RARB: variants seen among roughly 807,000 people sequenced by gnomAD.
The protein encoded by RARB is retinoic acid receptor beta.
RARB carries 17 observed loss-of-function variants against 51.9 expected under a neutral mutation model. The ratio of observed to expected loss-of-function variants is 0.33; its 90% CI spans 0.22 to 0.49. The LOEUF (loss-of-function observed/expected upper bound fraction) is 0.49, where lower values mean the gene tolerates loss of function less well. Among genes scored for constraint, RARB ranks in the 20% least tolerant of loss-of-function variants. The pLI, the probability that RARB is intolerant of heterozygous loss-of-function variation, is 0.99. For synonymous variants in RARB, 215 were observed against 195.4 expected, an observed-to-expected ratio of 1.10 and a Z score of -0.84; for missense variants, 369 against 550.8, an observed-to-expected ratio of 0.67 and a Z score of 3.30.
At chr3:25,146,513 T>TTG (rs1700195599) in intron 4 of RARB, among the ~76,000 whole-genome samples, 2 of 106,028 alleles carry the variant, frequency 1.9e-5, no homozygotes, top group African/African-American at 1.0e-4. Flanking sequence ...GTTTGTTTGT[T>TTG]TTTTTTTTTT....
At chr3:24,951,974 G>A (rs1220880391) in intron 2 of RARB, among the ~76,000 whole-genome samples, 1 of 152,182 alleles carries the variant, frequency 6.6e-6, no homozygotes, top group Non-Finnish European at 1.5e-5. Context: ...TCTATGCAGT[G>A]CATTGCAAAT....
chr3:25,369,037 T>C (rs1222692473), intron 5 of RARB, among the ~76,000 whole-genome samples: 32 of 152,216 alleles, frequency 2.1e-4, no homozygotes, highest in Admixed American at 2.1e-3. Context: ...CCCAATTATA[T>C]AATTGTTGTC....
intron 5 of RARB, among the ~76,000 whole-genome samples, chr3:25,409,979 T>C (rs1050109352): frequency 2.0e-5 from 3 of 152,222 alleles, no homozygotes; most frequent in Admixed American, 1.3e-4. Flanking sequence ...TGTGCATCAG[T>C]TTCTCATTGC....
chr3:25,146,262 A>C lies in RARB; in HGVS notation c.-280+14054A>C, dbSNP rs75996135. ...CAACTACTCTTGATCTAAATGTTCA[A>C]TTAGTTCAGAAGTTGGTAAACTTTT... On this transcript the variant is annotated intron_variant, in intron 4 of 11. Transcript: ENST00000383772. Among the ~76,000 whole-genome samples the C allele has an allele frequency of 2.8e-4, 43 of 152,302 alleles. 1 individual carries two copies. In the East Asian group the frequency reaches 8.3e-3, roughly 29 times the overall value.
intron 4 of RARB, among the ~76,000 whole-genome samples, chr3:25,570,446 AC>A (rs1439017503): frequency 6.6e-6 from 1 of 151,964 alleles, no homozygotes; most frequent in African/African-American, 2.4e-5. Flanking sequence ...CATGTACAAA[AC>A]CCCCAAGCCA....
At chr3:25,244,522 C>T (rs1308353743) in intron 5 of RARB, among the ~76,000 whole-genome samples, 1 of 152,126 alleles carries the variant, frequency 6.6e-6, no homozygotes, top group Non-Finnish European at 1.5e-5. Flanking sequence ...TCTTTGTTCT[C>T]ATTGGTTTCA....
chr3:24,850,381 A>G (rs560445552), intron 1 of RARB, among the ~76,000 whole-genome samples: 72 of 152,304 alleles, frequency 4.7e-4, no homozygotes, highest in African/African-American at 1.4e-3. Context: ...GAAATGACAC[A>G]TATCACTTTA....
intron 5 of RARB, among the ~76,000 whole-genome samples, chr3:25,329,777 G>C (rs1382977934): frequency 6.6e-6 from 1 of 152,148 alleles, no homozygotes; most frequent in Non-Finnish European, 1.5e-5. Context: ...AAAAAGATTA[G>C]ACAAATGGCT....
intron 5 of RARB, among the ~76,000 whole-genome samples, chr3:25,582,595 A>G (rs1462552165): frequency 1.3e-5 from 2 of 152,102 alleles, no homozygotes; most frequent in Non-Finnish European, 2.9e-5. Flanking sequence ...TTATTTCTGC[A>G]CAGCCACACA....
At chr3:25,094,498 C>A (rs1699257536) in intron 3 of RARB, among the ~76,000 whole-genome samples, 1 of 151,996 alleles carries the variant, frequency 6.6e-6, no homozygotes. Context: ...GGGTGGATCA[C>A]TTGAGTTTAG....
intron 5 of RARB, among the ~76,000 whole-genome samples, chr3:25,183,425 C>T (rs1313781839): frequency 1.3e-5 from 2 of 152,124 alleles, no homozygotes; most frequent in African/African-American, 4.8e-5. Flanking sequence ...CTCCCATCTC[C>T]TTTCTTGACC....
intron 3 of RARB, among the ~76,000 whole-genome samples, chr3:25,104,074 G>A (rs900291376): frequency 6.6e-6 from 1 of 152,124 alleles, no homozygotes; most frequent in African/African-American, 2.4e-5. Flanking sequence ...ACTGTCTCAG[G>A]AGTCTGTAAA....
At chr3:25,093,323 T>A (rs988371320) in intron 3 of RARB, among the ~76,000 whole-genome samples, 5 of 152,176 alleles carry the variant, frequency 3.3e-5, no homozygotes, top group African/African-American at 4.8e-5. Flanking sequence ...TTTCTCAGAA[T>A]GAAACTAACT....
At chr3:25,164,580 G>T (rs779309909) in intron 4 of RARB, among the ~76,000 whole-genome samples, 16 of 152,132 alleles carry the variant, frequency 1.1e-4, no homozygotes, top group Non-Finnish European at 2.2e-4. Flanking sequence ...TACATTTATG[G>T]CTAGACTTGA....
chr3:24,974,291 A>C (rs1696463047), intron 2 of RARB, among the ~76,000 whole-genome samples: 1 of 152,098 alleles, frequency 6.6e-6, no homozygotes, highest in African/African-American at 2.4e-5. Context: ...ATTCCACTTG[A>C]TCACGGTGAA....
At chr3:25,341,326 A>G (rs77820862) in intron 5 of RARB, among the ~76,000 whole-genome samples, 14 of 152,194 alleles carry the variant, frequency 9.2e-5, no homozygotes, top group African/African-American at 3.1e-4. Context: ...GACATCTTCC[A>G]TCTGTGAAAA....
chr3:25,225,907 C>T (rs1417203444), intron 5 of RARB, among the ~76,000 whole-genome samples: 3 of 152,122 alleles, frequency 2.0e-5, no homozygotes, highest in South Asian at 4.1e-4. Context: ...CAGATTTTTG[C>T]GTTGCAAAGT....
chr3:25,073,767 G>A (rs1396822449), intron 3 of RARB, among the ~76,000 whole-genome samples: 4 of 152,090 alleles, frequency 2.6e-5, no homozygotes, highest in Non-Finnish European at 4.4e-5. Context: ...ATGCCTGTAA[G>A]TGGCTTTGAT....
chr3:25,303,086 T>C (rs925079029), intron 5 of RARB, among the ~76,000 whole-genome samples: 10 of 152,236 alleles, frequency 6.6e-5, no homozygotes, highest in Non-Finnish European at 1.3e-4. Flanking sequence ...TATTCTCTTA[T>C]TTCCTTGAGT....
Sources: gnomAD v4.1 joint callset for allele counts (sites outside exome capture counted in the v4.1 genomes callset) on GRCh38, gnomAD v4.1.1 for gene constraint, MANE v1.5 for transcripts, NCBI Gene and HGNC (gene_info 2026-07-23, HGNC 2026-07-21) for gene names.